The following SNX29 variants were observed in gnomAD, a reference collection of about 807,000 sequenced individuals.
The protein encoded by SNX29 is sorting nexin 29.
In SNX29, 78 loss-of-function variants were observed where a neutral mutation model predicts 102.1. The observed-to-expected ratio is 0.76, with a 90% CI of 0.64 to 0.92. The LOEUF is 0.92. Among genes scored for constraint, SNX29 ranks in the 40% least tolerant of loss-of-function variants. The pLI is 0.00. For missense variants in SNX29, 1,280 were observed against 1,061.7 expected (o/e 1.21, Z -2.86); for synonymous variants, 580 against 414.5 (o/e 1.40, Z -4.85).
chr16:12,498,157 A>C (rs2088925211), intron 19 of SNX29, among the ~76,000 whole-genome samples: 2 of 152,226 alleles, frequency 1.3e-5, no homozygotes, highest in African/African-American at 4.8e-5. Flanking sequence ...AATTCCAGGC[A>C]GAGGAAACAG....
intron 13 of SNX29, among the ~76,000 whole-genome samples, chr16:12,143,739 C>G (rs1011722991): frequency 1.3e-5 from 2 of 152,204 alleles, no homozygotes; most frequent in Non-Finnish European, 2.9e-5. Flanking sequence ...TCATTCTCTG[C>G]AGTTAATCTA....
In SNX29 at chr16:12,277,678, G is replaced by A. The variant is rs151163381; in HGVS notation, c.1679-255G>A. ...CAGCCTCGACCTCCTGGGCTCAAGC[G>A]ATCCTCTCAACTCAGCCTCCTGAGC... On this transcript the variant is annotated intron_variant, in intron 14 of 20. Coordinates refer to ENST00000566228, the MANE Select transcript of SNX29 (RefSeq NM_032167.5). 2.6e-3 allele frequency among the ~76,000 whole-genome samples: 389 copies of A among 152,164 alleles called. 2 individuals are homozygous for A. The highest frequency in any genetic ancestry group is 8.4e-3 in the African/African-American group (349 of 41,518).
chr16:12,280,971 A>C (rs933093633), intron 15 of SNX29, among the ~76,000 whole-genome samples: 1 of 152,214 alleles, frequency 6.6e-6, no homozygotes, highest in Non-Finnish European at 1.5e-5. Flanking sequence ...GCAGTGGTAC[A>C]GCCTTGGCTC....
At chr16:12,316,136 C>T (rs1031243030) in intron 15 of SNX29, among the ~76,000 whole-genome samples, 1 of 152,172 alleles carries the variant, frequency 6.6e-6, no homozygotes, top group Non-Finnish European at 1.5e-5. Context: ...GGCAGAGAGA[C>T]AGCAAAGGTG....
chr16:12,003,236 C>G (rs919962839), intron 3 of SNX29, among the ~76,000 whole-genome samples, 193 bp downstream of exon 3: 1 of 152,144 alleles, frequency 6.6e-6, no homozygotes, highest in East Asian at 1.9e-4. Context: ...GGTGACTGCT[C>G]ATCTCCAACA....
intron 20 of SNX29, among the ~76,000 whole-genome samples, chr16:12,562,946 G>A (rs920485870): frequency 2.6e-5 from 4 of 151,988 alleles, no homozygotes; most frequent in Non-Finnish European, 4.4e-5. Context: ...ATAGTAAGAA[G>A]CAAACATTCA....
At chr16:12,138,945 G>A (rs2054763965) in intron 13 of SNX29, among the ~76,000 whole-genome samples, 1 of 152,024 alleles carries the variant, frequency 6.6e-6, no homozygotes, top group Non-Finnish European at 1.5e-5. Flanking sequence ...GCTCACGCCT[G>A]TAATCCCAAC....
chr16:12,377,301 C>T (rs1390697905), intron 16 of SNX29, among the ~76,000 whole-genome samples: 1 of 152,176 alleles, frequency 6.6e-6, no homozygotes, highest in Non-Finnish European at 1.5e-5. Context: ...TCTTTCATGT[C>T]ACTTGTCCTT....
intron 4 of SNX29, among the ~76,000 whole-genome samples, chr16:12,033,011 T>A (rs1170317520): frequency 6.6e-6 from 1 of 152,122 alleles, no homozygotes; most frequent in Non-Finnish European, 1.5e-5. Flanking sequence ...TGCGCCACCA[T>A]GCCTGGCTAA....
chr16:12,388,192 G>A (rs985915322), intron 16 of SNX29, among the ~76,000 whole-genome samples: 3 of 152,172 alleles, frequency 2.0e-5, no homozygotes, highest in Non-Finnish European at 2.9e-5. Flanking sequence ...TTCTGGGGGA[G>A]ACAGCAGGTG....
At chr16:12,463,097 A>G (rs2086880231) in intron 18 of SNX29, among the ~76,000 whole-genome samples, 1 of 152,156 alleles carries the variant, frequency 6.6e-6, no homozygotes, top group African/African-American at 2.4e-5. Context: ...GCCCATGCTG[A>G]AGATGCCCCT....
At position 12,209,705 on chromosome 16, in the gene SNX29, C is replaced by T. The variant is rs534991661; in HGVS notation, c.1678+10022C>T. Among the ~76,000 whole-genome samples the T allele has an allele frequency of 1.2e-4, 18 of 152,306 alleles. No individual in the cohort carries two copies. The South Asian group carries it at 3.1e-3, about 26-fold the overall frequency. ...TAGGAGACGTGAGACCAGCAGTGGC[C>T]CCAACTGTCTGCTGCTCAGCCCTCC... On this transcript the variant is annotated intron_variant, in intron 14 of 20. Coordinates refer to ENST00000566228, the MANE Select transcript of SNX29 (RefSeq NM_032167.5).
chr16:12,538,168 T>G (rs188059836), intron 20 of SNX29, among the ~76,000 whole-genome samples: 103 of 152,214 alleles, frequency 6.8e-4, no homozygotes, highest in African/African-American at 2.4e-3. Context: ...CAGAATAGAG[T>G]GCAGTGGTGT....
chr16:12,313,456 C>G (rs546295985), intron 15 of SNX29, among the ~76,000 whole-genome samples: 1 of 152,338 alleles, frequency 6.6e-6, no homozygotes, highest in East Asian at 1.9e-4. Flanking sequence ...CTGCCCTTCT[C>G]TCTTCCGGGA....
chr16:12,266,263 C>T (rs2078924736), intron 14 of SNX29, among the ~76,000 whole-genome samples: 1 of 152,122 alleles, frequency 6.6e-6, no homozygotes, highest in African/African-American at 2.4e-5. Context: ...CCGCTCTCAA[C>T]ACACCATTTT....
At position 12,572,252 on chromosome 16, in the gene SNX29, T is replaced by C; in HGVS notation, c.*3623T>C. The C allele has an allele frequency of 1.1e-5, 12 of 1,053,326 alleles. No individual in the cohort carries two copies. The highest frequency in any genetic ancestry group is 1.4e-5 in the Non-Finnish European group (12 of 869,048). The allele number at this position is 1,053,326 out of a possible 1,614,324, so 65.2% of individuals were successfully genotyped here. Reference sequence around the variant, plus strand: ...AAGTCGTTTACACCAGGTGGATTGATACCATGGCTGTAGCTGATGCAACTA... The same window carrying C: ...AAGTCGTTTACACCAGGTGGATTGACACCATGGCTGTAGCTGATGCAACTA... On this transcript the variant is annotated 3_prime_UTR_variant, in exon 21 of 21. Transcript: ENST00000566228.
At position 12,095,641 on chromosome 16, in the gene SNX29, T is replaced by C. The variant is rs564400573; in HGVS notation, c.1402+16726T>C. 4.6e-5 allele frequency among the ~76,000 whole-genome samples: 7 copies of C among 152,336 alleles called. No homozygotes were observed. The East Asian group carries it at 1.2e-3, about 25-fold the overall frequency. Reference sequence around the variant, plus strand: ...ATCAGAAAACATTTCCCCTGTGTCATTGCTTTTCATGAGATATAATTGATT... The same window carrying C: ...ATCAGAAAACATTTCCCCTGTGTCACTGCTTTTCATGAGATATAATTGATT... On this transcript the variant is annotated intron_variant, in intron 11 of 20. Transcript: ENST00000566228.
intron 20 of SNX29, chr16:12,556,642 A>C (rs1335427455): frequency 6.6e-6 from 1 of 152,298 alleles, no homozygotes; most frequent in Non-Finnish European, 1.5e-5. Context: ...GTCTGGGTTT[A>C]GGAGACACAG....
intron 20 of SNX29, among the ~76,000 whole-genome samples, chr16:12,542,105 G>T (rs80051819): frequency 2.6e-5 from 4 of 152,066 alleles, no homozygotes; most frequent in Non-Finnish European, 4.4e-5. Flanking sequence ...TCTTCCCAAC[G>T]GATCCCTAAA....
Sources: allele counts gnomAD v4.1 joint callset (sites outside exome capture counted in the v4.1 genomes callset), GRCh38; gene constraint gnomAD v4.1.1; transcripts MANE v1.5; gene names NCBI Gene and HGNC (gene_info 2026-07-23, HGNC 2026-07-21).